CD86: variants seen among roughly 807,000 people sequenced by gnomAD.
The protein encoded by CD86 is CD86 molecule.
CD86 carries 11 observed loss-of-function variants against 32.1 expected under a neutral mutation model. The observed-to-expected ratio is 0.34, with a 90% CI of 0.22 to 0.57. The LOEUF (loss-of-function observed/expected upper bound fraction) is 0.57, where lower values mean the gene tolerates loss of function less well. Among genes scored for constraint, CD86 ranks in the 20% least tolerant of loss-of-function variants. The pLI, the probability that CD86 is intolerant of heterozygous loss-of-function variation, is 0.86. For synonymous variants in CD86, 137 were observed against 135.3 expected (o/e 1.01, Z -0.09); for missense variants, 359 against 398.4 (o/e 0.90, Z 0.84).
chr3:122,056,627 C>A (rs1312462410), intron 1 of CD86, among the ~76,000 whole-genome samples: 1 of 152,192 alleles, frequency 6.6e-6, no homozygotes, highest in Non-Finnish European at 1.5e-5. Flanking sequence ...CCACCGCGCA[C>A]CCGGCCGTCA....
At position 122,103,433 on chromosome 3, in the gene CD86, G is replaced by C; in HGVS notation, c.65-79G>C. 3.5e-6 allele frequency: 3 copies of C among 849,528 alleles called. No individual in the cohort carries two copies. The Middle Eastern group carries it at 7.1e-4, about 201-fold the overall frequency. The allele number at this position is 849,528 out of a possible 1,614,324, so 52.6% of individuals were successfully genotyped here. A position where few individuals can be genotyped will look rare whatever the true frequency, so the allele number is the denominator to read the frequency against. On this transcript the variant is annotated intron_variant, in intron 2 of 6. Transcript: ENST00000330540. ...TGATTACTGATAAGATAGTATCTGG[G>C]TATTGTATAAAGAGAAATGGAGGTT... is the stretch of plus-strand genomic sequence containing the variant.
intron 1 of CD86, among the ~76,000 whole-genome samples, chr3:122,080,435 A>G (rs1404054643): frequency 1.3e-5 from 2 of 152,186 alleles, no homozygotes; most frequent in Non-Finnish European, 2.9e-5. Flanking sequence ...GAAAAGCTAA[A>G]TGCTATCGCC....
intron 4 of CD86, among the ~76,000 whole-genome samples, chr3:122,107,922 G>A (rs1280156594): frequency 6.6e-6 from 1 of 152,192 alleles, no homozygotes; most frequent in Non-Finnish European, 1.5e-5. Context: ...TCCTGTCCCA[G>A]TTGCTTCTCC....
At chr3:122,089,606 C>T (rs2072780360) in intron 1 of CD86, among the ~76,000 whole-genome samples, 1 of 152,210 alleles carries the variant, frequency 6.6e-6, no homozygotes, top group African/African-American at 2.4e-5. Context: ...AATAAGCACT[C>T]TTGTGTTGAT....
intron 1 of CD86, among the ~76,000 whole-genome samples, chr3:122,064,190 G>C (rs1195110380): frequency 6.6e-6 from 1 of 152,006 alleles, no homozygotes; most frequent in Non-Finnish European, 1.5e-5. Context: ...GACAACGAAG[G>C]GTAGCTGCTC....
At chr3:122,068,081 T>C (rs1559897912) in intron 1 of CD86, among the ~76,000 whole-genome samples, 1 of 152,154 alleles carries the variant, frequency 6.6e-6, no homozygotes, top group Non-Finnish European at 1.5e-5. Flanking sequence ...TCCCCAGCTC[T>C]GTTGTGAAAT....
rs566906411 is a variant in CD86, at chr3:122,109,384, C to A, written c.823C>A (p.Arg275=). ...LILWKWKKKK[R]PRNSYKCGTN... ...TCTATGGAAATGGAAGAAGAAGAAG[C>A]GGCCTCGCAACTCTTATAAATGTGG... Residue 275 remains arginine, a synonymous_variant, in exon 5 of 7, where the codon CGG becomes AGG. Transcript: ENST00000330540. 1.9e-6 allele frequency: 3 copies of A among 1,613,906 alleles called. No homozygotes were observed. The highest frequency in any genetic ancestry group is 1.7e-6 in the Non-Finnish European group (2 of 1,179,904).
intron 1 of CD86, among the ~76,000 whole-genome samples, chr3:122,076,584 C>T (rs1429892552): frequency 6.6e-6 from 1 of 152,150 alleles, no homozygotes; most frequent in East Asian, 1.9e-4. Context: ...AGACCCTGGA[C>T]CCTGGGGGAG....
In CD86 at chr3:122,119,754, A is replaced by G; in HGVS notation, c.*220A>G. 2.1e-6 allele frequency: 1 copy of G among 481,468 alleles called. No homozygotes were observed. The allele number at this position is 481,468 out of a possible 1,614,324, so 29.8% of individuals were successfully genotyped here. On this transcript the variant is annotated 3_prime_UTR_variant, in exon 7 of 7. Coordinates refer to ENST00000330540, the MANE Select transcript of CD86 (RefSeq NM_175862.5). ...TTCTCTTACTGCTTCTTTTCACTTC[A>G]GAGCACACTTATGGGCCAAGCCCAG...
In CD86 at chr3:122,119,460, A is replaced by G. The variant is rs751106299; in HGVS notation, c.916A>G (p.Arg306Gly). ...CAGAGAAAAAATCCATATACCTGAA[A>G]GATCTGATGAAGCCCAGCGTGTTTT... ...KKREKIHIPERSDEAQRVFKS... is the reference protein window; with the variant it reads ...KKREKIHIPEGSDEAQRVFKS... The change falls in exon 7 of 7, where the codon AGA (arginine) becomes GGA (glycine). Residue 306 changes from arginine (R) to glycine (G), a missense_variant. Coordinates refer to ENST00000330540, the MANE Select transcript of CD86 (RefSeq NM_175862.5). 1.2e-6 allele frequency: 2 copies of G among 1,608,354 alleles called. No individual in the cohort carries two copies. Among genetic ancestry groups the G allele is most frequent in the East Asian group, 2.2e-5 (1 of 44,810 alleles).
intron 5 of CD86, 55 bp downstream of exon 5, chr3:122,109,463 C>T (rs1012586085): frequency 1.8e-5 from 29 of 1,597,096 alleles, no homozygotes; most frequent in African/African-American, 4.0e-5. Flanking sequence ...ACTTCCCAAT[C>T]GGCTGGCTGC....
At chr3:122,097,127 T>A (rs1226466129) in intron 2 of CD86, among the ~76,000 whole-genome samples, 3 of 152,232 alleles carry the variant, frequency 2.0e-5, no homozygotes, top group Non-Finnish European at 4.4e-5. Flanking sequence ...AGTATTTTTT[T>A]TAATACGTGC....
chr3:122,059,765 A>C (rs1360018652), intron 1 of CD86, among the ~76,000 whole-genome samples: 3 of 152,168 alleles, frequency 2.0e-5, no homozygotes, highest in South Asian at 2.1e-4. Flanking sequence ...ATTTGGAGAT[A>C]GGGTCTTTAC....
intron 1 of CD86, among the ~76,000 whole-genome samples, chr3:122,084,801 G>C (rs1003325039): frequency 6.6e-6 from 1 of 152,144 alleles, no homozygotes; most frequent in Non-Finnish European, 1.5e-5. Flanking sequence ...GGTCAAACAG[G>C]TCACTCAGGC....
chr3:122,107,985 G>A (rs2073117614), intron 4 of CD86, among the ~76,000 whole-genome samples: 1 of 152,218 alleles, frequency 6.6e-6, no homozygotes, highest in Non-Finnish European at 1.5e-5. Context: ...CTGAAGTTCA[G>A]TACCTCCTTC....
intron 1 of CD86, among the ~76,000 whole-genome samples, chr3:122,081,486 G>T (rs1185268932): frequency 1.3e-5 from 2 of 152,212 alleles, no homozygotes; most frequent in Non-Finnish European, 2.9e-5. Flanking sequence ...CGGATGCAGG[G>T]TTATATATTA....
intron 2 of CD86, among the ~76,000 whole-genome samples, chr3:122,092,366 G>A (rs1312429121): frequency 6.6e-6 from 1 of 152,156 alleles, no homozygotes; most frequent in Non-Finnish European, 1.5e-5. Context: ...GTAAGATATT[G>A]TAACCACAAT....
At chr3:122,093,222 T>C (rs1471028326) in intron 2 of CD86, among the ~76,000 whole-genome samples, 1 of 152,196 alleles carries the variant, frequency 6.6e-6, no homozygotes, top group Non-Finnish European at 1.5e-5. Flanking sequence ...AGTGGCACAG[T>C]CACAGCTCAC....
At chr3:122,093,696 C>CAT (rs138465555) in intron 2 of CD86, among the ~76,000 whole-genome samples, 63 of 151,164 alleles carry the variant, frequency 4.2e-4, no homozygotes, top group African/African-American at 6.5e-4. Flanking sequence ...ACAGTATATG[C>CAT]ATATATATAT....
Sources: gnomAD v4.1 joint callset for allele counts (sites outside exome capture counted in the v4.1 genomes callset) on GRCh38, gnomAD v4.1.1 for gene constraint, MANE v1.5 for transcripts, NCBI Gene and HGNC (gene_info 2026-07-23, HGNC 2026-07-21) for gene names.